CABCOCO1: variants seen among roughly 807,000 people sequenced by gnomAD.
The protein encoded by CABCOCO1 is ciliary associated calcium binding coiled-coil 1, also known as ciliary-associated calcium-binding coiled-coil protein 1.
A neutral mutation model predicts 35.7 loss-of-function variants in CABCOCO1; 28 were observed. The ratio of observed to expected loss-of-function variants is 0.78; its 90% confidence interval spans 0.58 to 1.07. CABCOCO1 has a LOEUF of 1.07. CABCOCO1 is among the 50% of genes least tolerant of loss of function. The pLI is 0.00. For missense variants in CABCOCO1, 326 were observed against 309.2 expected, an observed-to-expected ratio of 1.05 and a Z score of -0.41; for synonymous variants, 95 against 100.1, an observed-to-expected ratio of 0.95 and a Z score of 0.30.
rs143349708 is a variant in CABCOCO1 at position 61,756,889 on chromosome 10, T to G, written c.553-3170T>G. Among the ~76,000 whole-genome samples the G allele has an allele frequency of 3.0e-3, 456 of 151,768 alleles. 4 individuals are homozygous for G. The highest frequency in any genetic ancestry group is 0.011 in the African/African-American group (446 of 41,432). On this transcript the variant is annotated intron_variant, in intron 5 of 7. Transcript: ENST00000648843. ...GATTTAAGAGGTAACATATTAGACT[T>G]TTGAGGAAAAAAAAATGAGACAATT... is the stretch of plus-strand genomic sequence containing the variant.
chr10:61,730,399 T>C (rs962420205), intron 5 of CABCOCO1, among the ~76,000 whole-genome samples: 1 of 151,874 alleles, frequency 6.6e-6, no homozygotes, highest in Non-Finnish European at 1.5e-5. Flanking sequence ...TACATATCCA[T>C]AAAGCACTAC....
chr10:61,725,853 A>T (rs1027549603), intron 5 of CABCOCO1, among the ~76,000 whole-genome samples: 12 of 152,188 alleles, frequency 7.9e-5, no homozygotes, highest in African/African-American at 2.9e-4. Context: ...GAGTCATGAA[A>T]CACTATGGAT....
intron 5 of CABCOCO1, among the ~76,000 whole-genome samples, chr10:61,754,968 G>C (rs983318751): frequency 6.6e-6 from 1 of 152,034 alleles, no homozygotes; most frequent in African/African-American, 2.4e-5. Context: ...TGCATATTAA[G>C]CATAGGAAAG....
chr10:61,745,778 G>C (rs1056025051), intron 5 of CABCOCO1, among the ~76,000 whole-genome samples: 1 of 152,184 alleles, frequency 6.6e-6, no homozygotes, highest in Non-Finnish European at 1.5e-5. Context: ...CAGCAAGATG[G>C]CTTTTCACTT....
chr10:61,684,583 G>A (rs1839897322), intron 3 of CABCOCO1, among the ~76,000 whole-genome samples: 1 of 152,146 alleles, frequency 6.6e-6, no homozygotes, highest in African/African-American at 2.4e-5. Flanking sequence ...GAGAGACAGA[G>A]ATTTGGATGG....
chr10:61,765,035 G>T (rs1351823576), intron 7 of CABCOCO1, among the ~76,000 whole-genome samples: 1 of 152,054 alleles, frequency 6.6e-6, no homozygotes, highest in Non-Finnish European at 1.5e-5. Flanking sequence ...GCAAAGTACA[G>T]TTACCCTGAA....
At chr10:61,675,516 A>G (rs1839486747) in intron 2 of CABCOCO1, among the ~76,000 whole-genome samples, 1 of 152,222 alleles carries the variant, frequency 6.6e-6, no homozygotes, top group Non-Finnish European at 1.5e-5. Flanking sequence ...GCAAGTAGTT[A>G]CTGTCATTCA....
chr10:61,754,941 TTTCAAAATGTAAATACTGCATATTAA>T (rs1280659953), intron 5 of CABCOCO1, among the ~76,000 whole-genome samples: 28 of 152,290 alleles, frequency 1.8e-4, no homozygotes, highest in African/African-American at 6.7e-4. Context: ...TTTTGAACCT[TTTCAAAATGTAAATACTGCATATTAA>T]GCATAGGAAA....
At chr10:61,725,403 T>C (rs769864289) in intron 5 of CABCOCO1, among the ~76,000 whole-genome samples, 1 of 152,196 alleles carries the variant, frequency 6.6e-6, no homozygotes, top group Non-Finnish European at 1.5e-5. Flanking sequence ...ATGTGGCGCA[T>C]ATACACCAAG....
At chr10:61,683,413 T>C (rs868418315) in intron 3 of CABCOCO1, among the ~76,000 whole-genome samples, 2 of 151,680 alleles carry the variant, frequency 1.3e-5, no homozygotes, top group African/African-American at 2.4e-5. Flanking sequence ...ATTGAAAAAT[T>C]AACTGGGTAT....
At chr10:61,762,772 G>A (rs1842033568) in intron 7 of CABCOCO1, among the ~76,000 whole-genome samples, 1 of 152,060 alleles carries the variant, frequency 6.6e-6, no homozygotes, top group Admixed American at 6.6e-5. Context: ...CTGGGTTCTA[G>A]TTCTAATTCC....
chr10:61,669,405 G>A (rs1839291934), intron 1 of CABCOCO1, among the ~76,000 whole-genome samples: 3 of 151,966 alleles, frequency 2.0e-5, no homozygotes, highest in Non-Finnish European at 1.5e-5. Flanking sequence ...TTCCTAGTTG[G>A]AGATGTAATT....
chr10:61,693,421 T>C lies in CABCOCO1; in HGVS notation c.552+2800T>C, dbSNP rs991621966. Among the ~76,000 whole-genome samples, 5 of 152,088 alleles carry C rather than the reference T, an allele frequency of 3.3e-5. No homozygotes were observed. In the East Asian group the frequency reaches 9.6e-4, roughly 29 times the overall value. ...ACATGAATGTTTGAAATTTAACTCT[T>C]AGGCAAGCATTCAAGTTAGATAACA... On this transcript the variant is annotated intron_variant, in intron 5 of 7. Coordinates refer to ENST00000648843, the MANE Select transcript of CABCOCO1 (RefSeq NM_001366906.2).
chr10:61,670,434 A>G (rs1210625758), intron 1 of CABCOCO1, among the ~76,000 whole-genome samples: 3 of 152,156 alleles, frequency 2.0e-5, no homozygotes, highest in Admixed American at 1.3e-4. Flanking sequence ...TTACAAAAAA[A>G]GTGGTTAATA....
intron 5 of CABCOCO1, among the ~76,000 whole-genome samples, chr10:61,692,349 T>C (rs1385596896): frequency 6.6e-6 from 1 of 152,168 alleles, no homozygotes; most frequent in East Asian, 1.9e-4. Context: ...TTGCTTGTTT[T>C]TTTCTTGTAA....
chr10:61,693,572 C>A (rs1428423996), intron 5 of CABCOCO1, among the ~76,000 whole-genome samples: 2 of 152,046 alleles, frequency 1.3e-5, no homozygotes, highest in East Asian at 1.9e-4. Context: ...CATGTGTCAA[C>A]CTTTAATAAA....
intron 5 of CABCOCO1, among the ~76,000 whole-genome samples, chr10:61,734,477 T>A (rs1310168490): frequency 6.6e-6 from 1 of 151,004 alleles, no homozygotes; most frequent in South Asian, 2.1e-4. Flanking sequence ...TTAAGAATCA[T>A]AGAACCTAAT....
rs549707801 is a variant in CABCOCO1 at position 61,693,082 on chromosome 10, A to G, written c.552+2461A>G. ...TAGGTGACATTTATGCTATGGAAAG[A>G]TAAAGTGGAGAAAGTAGACAGGCTT... On this transcript the variant is annotated intron_variant, in intron 5 of 7. Transcript: ENST00000648843. 5.1e-4 allele frequency among the ~76,000 whole-genome samples: 77 copies of G among 152,260 alleles called. 3 individuals are homozygous for G. In the South Asian group the frequency reaches 0.016, roughly 31 times the overall value.
chr10:61,736,317 A>G (rs1161753037), intron 5 of CABCOCO1, among the ~76,000 whole-genome samples: 1 of 152,146 alleles, frequency 6.6e-6, no homozygotes, highest in Admixed American at 6.6e-5. Flanking sequence ...TGACTTTTAT[A>G]TATGGTGTAA....
Sources: gnomAD v4.1 joint callset for allele counts (sites outside exome capture counted in the v4.1 genomes callset) on GRCh38, gnomAD v4.1.1 for gene constraint, MANE v1.5 for transcripts, NCBI Gene and HGNC (gene_info 2026-07-23, HGNC 2026-07-21) for gene names.